The following C12orf42 variants were observed in gnomAD, a reference collection of about 807,000 sequenced individuals.
C12orf42 encodes chromosome 12 open reading frame 42, also known as uncharacterized protein C12orf42.
C12orf42 carries 25 observed loss-of-function variants against 21.6 expected under a neutral mutation model. The observed-to-expected ratio is 1.16, with a 90% confidence interval of 0.84 to 1.62. The LOEUF is 1.62. C12orf42 is among the 40% of genes most tolerant of loss of function. The pLI, the probability that C12orf42 is intolerant of heterozygous loss-of-function variation, is 0.00. For synonymous variants in C12orf42, 174 were observed against 175.0 expected (o/e 0.99, Z 0.05); for missense variants, 483 against 459.3 (o/e 1.05, Z -0.47).
intron 4 of C12orf42, among the ~76,000 whole-genome samples, chr12:103,340,431 T>C (rs1309500274): frequency 6.6e-6 from 1 of 152,226 alleles, no homozygotes; most frequent in Admixed American, 6.5e-5. Flanking sequence ...TGATGGGGAA[T>C]TAGCCTAAGA....
chr12:103,220,184 C>G, the C12orf42 span, among the ~76,000 whole-genome samples: 2 of 152,140 alleles, frequency 1.3e-5, no homozygotes, highest in African/African-American at 4.8e-5. Flanking sequence ...GCCACACGTA[C>G]TCACTCATAA....
At chr12:103,484,496 T>C (rs966284597) in intron 1 of C12orf42, among the ~76,000 whole-genome samples, 3 of 152,228 alleles carry the variant, frequency 2.0e-5, no homozygotes, top group Admixed American at 1.3e-4. Context: ...TTTGCCCACT[T>C]TTCAATGGGG....
chr12:103,393,952 C>G (rs1297294950), intron 3 of C12orf42, among the ~76,000 whole-genome samples: 1 of 152,156 alleles, frequency 6.6e-6, no homozygotes, highest in African/African-American at 2.4e-5. Context: ...CCCAGGTATG[C>G]TGATATCATC....
At chr12:103,327,194 G>C (rs994188775) in intron 4 of C12orf42, among the ~76,000 whole-genome samples, 4 of 152,146 alleles carry the variant, frequency 2.6e-5, no homozygotes, top group Non-Finnish European at 5.9e-5. Flanking sequence ...CCTGTGCCTC[G>C]AGTTTCTCCC....
At chr12:103,121,080 C>A in the C12orf42 span, among the ~76,000 whole-genome samples, 5 of 152,014 alleles carry the variant, frequency 3.3e-5, no homozygotes. Context: ...TACTCAAATC[C>A]CACTTTCAAA....
chr12:103,452,765 C>T lies in C12orf42; in HGVS notation c.78+25584G>A, dbSNP rs1485859241. Among the ~76,000 whole-genome samples the T allele has an allele frequency of 2.6e-5, 4 of 152,006 alleles. No homozygotes were observed. In the East Asian group the frequency reaches 5.8e-4, roughly 22 times the overall value. ...GCTGGAAACCATCATTCTCAGCAAACTCTCACAAGGACAAAAAACCAAACA... is the reference window on the plus strand; with the variant it reads ...GCTGGAAACCATCATTCTCAGCAAATTCTCACAAGGACAAAAAACCAAACA... On this transcript the variant is annotated intron_variant, in intron 2 of 5. Coordinates refer to ENST00000548883, the MANE Select transcript of C12orf42 (RefSeq NM_198521.5).
At chr12:103,364,383 A>G (rs567313593) in intron 4 of C12orf42, among the ~76,000 whole-genome samples, 20 of 152,098 alleles carry the variant, frequency 1.3e-4, no homozygotes, top group Non-Finnish European at 2.8e-4. Flanking sequence ...TGCCTATATC[A>G]AAAAGTCTAA....
chr12:103,182,123 CCT>C, the C12orf42 span, among the ~76,000 whole-genome samples: 15 of 152,024 alleles, frequency 9.9e-5, no homozygotes, highest in Non-Finnish European at 1.9e-4. Flanking sequence ...TCTTTATTCC[CCT>C]CTCTTAATTT....
At chr12:103,228,728 C>T in the C12orf42 span, among the ~76,000 whole-genome samples, 1 of 151,990 alleles carries the variant, frequency 6.6e-6, no homozygotes. Context: ...TATTTTACTA[C>T]ATTTTTTTCT....
At chr12:103,340,878 C>A (rs549727699) in intron 4 of C12orf42, among the ~76,000 whole-genome samples, 2 of 152,230 alleles carry the variant, frequency 1.3e-5, no homozygotes, top group African/African-American at 4.8e-5. Context: ...CTTTGGGAGG[C>A]CTAGGCGGGG....
At chr12:103,131,751 G>C in the C12orf42 span, among the ~76,000 whole-genome samples, 1 of 152,170 alleles carries the variant, frequency 6.6e-6, no homozygotes, top group Non-Finnish European at 1.5e-5. Context: ...CAGTAATATT[G>C]TTCTTGATGG....
At chr12:103,346,704 C>T (rs570469389) in intron 4 of C12orf42, among the ~76,000 whole-genome samples, 7 of 152,312 alleles carry the variant, frequency 4.6e-5, no homozygotes, top group Admixed American at 4.6e-4. Context: ...CAGAATCCTT[C>T]CGCAACTGAG....
chr12:103,356,349 A>G (rs146194079), intron 4 of C12orf42, among the ~76,000 whole-genome samples: 29 of 152,290 alleles, frequency 1.9e-4, no homozygotes, highest in African/African-American at 6.7e-4. Context: ...ATTCAGGTGT[A>G]TTAGGCAAAA....
At chr12:103,487,431 G>T (rs570595207) in intron 1 of C12orf42, among the ~76,000 whole-genome samples, 5 of 152,330 alleles carry the variant, frequency 3.3e-5, no homozygotes, top group African/African-American at 9.6e-5. Flanking sequence ...TGTATATTCT[G>T]TTGATTTGGG....
the C12orf42 span, among the ~76,000 whole-genome samples, chr12:103,153,427 A>G: frequency 6.6e-6 from 1 of 152,172 alleles, no homozygotes; most frequent in Non-Finnish European, 1.5e-5. Flanking sequence ...TAATAAATAT[A>G]TTCAACAAAT....
At chr12:103,407,718 G>A (rs756274682) in intron 2 of C12orf42, among the ~76,000 whole-genome samples, 1 of 152,084 alleles carries the variant, frequency 6.6e-6, no homozygotes, top group Non-Finnish European at 1.5e-5. Flanking sequence ...CAGGGCAACC[G>A]CACCCCAACC....
chr12:103,214,195 C>G, the C12orf42 span, among the ~76,000 whole-genome samples: 1 of 152,278 alleles, frequency 6.6e-6, no homozygotes, highest in Admixed American at 6.5e-5. Flanking sequence ...GCTTCCATGA[C>G]TGGATGCTTG....
At chr12:103,164,634 T>C in the C12orf42 span, 3 of 435,252 alleles carry the variant, frequency 6.9e-6, no homozygotes, top group Admixed American at 2.5e-5. Context: ...TATACTAATA[T>C]TTTTAAGTTT....
chr12:103,113,169 T>G, the C12orf42 span, among the ~76,000 whole-genome samples: 1 of 152,278 alleles, frequency 6.6e-6, no homozygotes, highest in South Asian at 2.1e-4. Flanking sequence ...TATTTACTCT[T>G]TCTCCCTGAC....
Sources: gnomAD v4.1 joint callset for allele counts (sites outside exome capture counted in the v4.1 genomes callset) on GRCh38, gnomAD v4.1.1 for gene constraint, MANE v1.5 for transcripts, NCBI Gene and HGNC (gene_info 2026-07-23, HGNC 2026-07-21) for gene names.